Variants in GRID2 observed in about 807,000 individuals in gnomAD.
GRID2 encodes the protein glutamate ionotropic receptor delta type subunit 2.
GRID2 carries 33 observed loss-of-function variants against 114.8 expected under a neutral mutation model. That is an observed-to-expected ratio of 0.29 (90% CI 0.22 to 0.38). GRID2 has a LOEUF of 0.38. GRID2 is among the 10% of genes least tolerant of loss of function. GRID2 has a pLI of 1.00. For missense variants in GRID2, 1,184 were observed against 1,257.7 expected, an observed-to-expected ratio of 0.94 and a Z score of 0.89; for synonymous variants, 505 against 449.9, an observed-to-expected ratio of 1.12 and a Z score of -1.55.
chr4:93,066,205 C>T (rs1035414322), intron 2 of GRID2, among the ~76,000 whole-genome samples: 2 of 151,786 alleles, frequency 1.3e-5, no homozygotes, highest in East Asian at 3.9e-4. Context: ...TATTTGTTCT[C>T]CCTTTTTATA....
chr4:93,221,049 C>T (rs953007980), intron 6 of GRID2, among the ~76,000 whole-genome samples: 1 of 152,058 alleles, frequency 6.6e-6, no homozygotes, highest in African/African-American at 2.4e-5. Flanking sequence ...TGTTCAGATC[C>T]CTTAAGTTGA....
chr4:93,400,841 T>C (rs1765812393), intron 9 of GRID2, among the ~76,000 whole-genome samples: 1 of 152,038 alleles, frequency 6.6e-6, no homozygotes, highest in Non-Finnish European at 1.5e-5. Flanking sequence ...GTTTTTTTGT[T>C]GTTTGTTTTT....
intron 1 of GRID2, among the ~76,000 whole-genome samples, chr4:92,322,031 CT>C (rs1164885388): frequency 6.6e-6 from 1 of 152,128 alleles, no homozygotes; most frequent in African/African-American, 2.4e-5. Flanking sequence ...GAACTTGCAA[CT>C]TACATGTACT....
At chr4:93,263,743 G>C (rs904272390) in intron 8 of GRID2, among the ~76,000 whole-genome samples, 1 of 151,996 alleles carries the variant, frequency 6.6e-6, no homozygotes, top group Non-Finnish European at 1.5e-5. Flanking sequence ...AGGGGTTAGA[G>C]TGGGTAATTT....
At chr4:93,562,196 GTT>G (rs35552209) in intron 13 of GRID2, among the ~76,000 whole-genome samples, 2 of 148,484 alleles carry the variant, frequency 1.3e-5, no homozygotes, top group Admixed American at 6.8e-5. Context: ...TTTTGTCAGA[GTT>G]TTTTTTTTTA....
intron 8 of GRID2, among the ~76,000 whole-genome samples, chr4:93,378,108 T>A (rs1763534373): frequency 6.6e-6 from 1 of 152,144 alleles, no homozygotes; most frequent in East Asian, 1.9e-4. Context: ...AAAATGATAG[T>A]TACAATGACT....
chr4:93,789,596 C>T (rs990773504), intron 1 of GRID2, among the ~76,000 whole-genome samples: 4 of 152,172 alleles, frequency 2.6e-5, no homozygotes, highest in Non-Finnish European at 4.4e-5. Flanking sequence ...CCCCATAAAG[C>T]ATTTGACCCA....
intron 8 of GRID2, among the ~76,000 whole-genome samples, chr4:93,389,256 G>A (rs1764618691): frequency 6.6e-6 from 1 of 152,136 alleles, no homozygotes; most frequent in Non-Finnish European, 1.5e-5. Context: ...GAATAGAAGA[G>A]AAGAAAATCC....
intron 1 of GRID2, among the ~76,000 whole-genome samples, chr4:93,781,604 T>G (rs1734480358): frequency 6.6e-6 from 1 of 152,174 alleles, no homozygotes; most frequent in African/African-American, 2.4e-5. Context: ...CCCAGACCCT[T>G]ATATAAAATG....
Position 93,395,586 on chromosome 4 carries a change from CA to C in GRID2, c.1246-18del, listed in dbSNP as rs776296321. The C allele has an allele frequency of 8.6e-7, 1 of 1,163,906 alleles. No individual in the cohort carries two copies. Among genetic ancestry groups the C allele is most frequent in the Non-Finnish European group, 1.3e-6 (1 of 772,214 alleles). The allele number at this position is 1,163,906 out of a possible 1,614,324, so 72.1% of individuals were successfully genotyped here. On this transcript the variant is annotated intron_variant, in intron 8 of 15. Transcript: ENST00000282020. ...ACTGTTCTTCAGGCAGAAAAATGACCAAAGTTGTCTTATCTTTCAGCTTGGT... is the reference window on the plus strand; with the variant it reads ...ACTGTTCTTCAGGCAGAAAAATGACCAAGTTGTCTTATCTTTCAGCTTGGT...
intron 14 of GRID2, among the ~76,000 whole-genome samples, chr4:93,711,126 T>C (rs966779446): frequency 6.6e-6 from 1 of 152,116 alleles, no homozygotes; most frequent in South Asian, 2.1e-4. Context: ...TCTTCCTTTT[T>C]TGTCAAGTAG....
At chr4:93,075,900 T>C (rs1475064997) in intron 2 of GRID2, among the ~76,000 whole-genome samples, 3 of 44,024 alleles carry the variant, frequency 6.8e-5, no homozygotes, top group African/African-American at 1.5e-4. Flanking sequence ...TTTTTTTTTT[T>C]TTTTTTTTTT....
intron 2 of GRID2, among the ~76,000 whole-genome samples, chr4:93,044,851 G>A (rs1161070610): frequency 6.6e-6 from 1 of 152,058 alleles, no homozygotes; most frequent in Non-Finnish European, 1.5e-5. Flanking sequence ...TTTAAAATAT[G>A]CAGTGTATAT....
chr4:93,191,355 T>C (rs183753906), intron 4 of GRID2, among the ~76,000 whole-genome samples: 7 of 152,256 alleles, frequency 4.6e-5, no homozygotes, highest in African/African-American at 1.7e-4. Context: ...TAGCAAGCTG[T>C]CTTCCTCTTT....
chr4:92,742,445 A>T (rs1736939368), intron 2 of GRID2, among the ~76,000 whole-genome samples: 1 of 151,498 alleles, frequency 6.6e-6, no homozygotes, highest in Non-Finnish European at 1.5e-5. Flanking sequence ...TTTCTGTGTT[A>T]TATTTTTGGA....
chr4:92,409,500 T>A (rs908599756), intron 1 of GRID2, among the ~76,000 whole-genome samples: 1 of 152,154 alleles, frequency 6.6e-6, no homozygotes, highest in Non-Finnish European at 1.5e-5. Flanking sequence ...GTGTCTAATA[T>A]ATAGTATTAC....
Position 93,044,293 on chromosome 4 carries a change from A to T in GRID2, c.245-40702A>T, listed in dbSNP as rs375470367. ...AGAAACGTTGTTATATCTTTGGAAG[A>T]TATTTAGCAATTTATATATTACATT... On this transcript the variant is annotated intron_variant, in intron 2 of 15. Transcript: ENST00000282020. Among the ~76,000 whole-genome samples the T allele has an allele frequency of 2.3e-4, 35 of 152,242 alleles. 1 individual carries two copies. The East Asian group carries it at 5.4e-3, about 24-fold the overall frequency.
intron 14 of GRID2, among the ~76,000 whole-genome samples, chr4:93,665,450 T>A (rs951696878): frequency 6.6e-6 from 1 of 152,226 alleles, no homozygotes; most frequent in African/African-American, 2.4e-5. Flanking sequence ...TCATCCTGCC[T>A]ACATTCAGCT....
chr4:92,377,121 G>A (rs963919885), intron 1 of GRID2, among the ~76,000 whole-genome samples: 2 of 152,138 alleles, frequency 1.3e-5, no homozygotes, highest in Non-Finnish European at 2.9e-5. Context: ...TTGTCAGCCT[G>A]CAGGTTTTCT....
Sources: allele counts gnomAD v4.1 joint callset (sites outside exome capture counted in the v4.1 genomes callset), GRCh38; gene constraint gnomAD v4.1.1; transcripts MANE v1.5; gene names NCBI Gene and HGNC (gene_info 2026-07-23, HGNC 2026-07-21).